PDE8B: variants seen among roughly 807,000 people sequenced by gnomAD.
PDE8B encodes high affinity cAMP-specific and IBMX-insensitive 3',5'-cyclic phosphodiesterase 8B.
A neutral mutation model predicts 101.3 loss-of-function variants in PDE8B; 26 were observed. That is an observed-to-expected ratio of 0.26 (90% confidence interval 0.19 to 0.36). The LOEUF is 0.36. Among genes scored for constraint, PDE8B ranks in the 10% least tolerant of loss-of-function variants. PDE8B has a pLI of 1.00. For synonymous variants in PDE8B, 424 were observed against 429.3 expected (o/e 0.99, Z 0.15); for missense variants, 810 against 1,163.1 (o/e 0.70, Z 4.42).
At chr5:77,132,774 T>C in the PDE8B span, among the ~76,000 whole-genome samples, 2 of 152,204 alleles carry the variant, frequency 1.3e-5, no homozygotes, top group Non-Finnish European at 2.9e-5. Flanking sequence ...TTGCGTCTTT[T>C]TGGTGGTTCT....
intron 1 of PDE8B, among the ~76,000 whole-genome samples, chr5:77,265,185 G>A (rs752448035): frequency 6.6e-6 from 1 of 152,120 alleles, no homozygotes. Context: ...TGGTTGGGGC[G>A]ATGCTATACT....
In PDE8B at chr5:77,418,498, T is replaced by C. The variant is rs368923144; in HGVS notation, c.2129+52T>C. 5 of 1,261,154 alleles carry C rather than the reference T, an allele frequency of 4.0e-6. No individual in the cohort carries two copies. In the East Asian group the frequency reaches 7.2e-5, roughly 18 times the overall value. The allele number at this position is 1,261,154 out of a possible 1,614,324, so 78.1% of individuals were successfully genotyped here. A position where few individuals can be genotyped will look rare whatever the true frequency, so the allele number is the denominator to read the frequency against. On this transcript the variant is annotated intron_variant, in intron 18 of 21. Transcript: ENST00000264917. ...CAAGTTTGTGAAGTTTAAGTGGTTTTCCCAAATACTTAGCTTCCTCTTAGG... is the reference window on the plus strand; with the variant it reads ...CAAGTTTGTGAAGTTTAAGTGGTTTCCCCAAATACTTAGCTTCCTCTTAGG...
intron 1 of PDE8B, among the ~76,000 whole-genome samples, chr5:77,256,924 C>G (rs948258156): frequency 5.3e-5 from 8 of 152,224 alleles, no homozygotes; most frequent in African/African-American, 1.9e-4. Flanking sequence ...TTGCTTAGCT[C>G]TGTTATTCAA....
chr5:77,098,050 G>C, the PDE8B span, among the ~76,000 whole-genome samples: 1 of 151,970 alleles, frequency 6.6e-6, no homozygotes, highest in Non-Finnish European at 1.5e-5. Flanking sequence ...ACAAGGCCTA[G>C]GATGCAGATA....
chr5:77,193,206 A>G, the PDE8B span, among the ~76,000 whole-genome samples: 1 of 152,042 alleles, frequency 6.6e-6, no homozygotes, highest in African/African-American at 2.4e-5. Context: ...TTTCTTTTCT[A>G]GTTCATGCCT....
At chr5:77,296,444 G>A (rs1434059522) in intron 1 of PDE8B, among the ~76,000 whole-genome samples, 2 of 151,870 alleles carry the variant, frequency 1.3e-5, no homozygotes, top group Non-Finnish European at 2.9e-5. Flanking sequence ...TTTACTTTTG[G>A]TAGAAATAGT....
Position 77,211,199 on chromosome 5 carries a change from G to T in PDE8B, c.274G>T (p.Gly92Cys). The part of the protein sequence containing the change: ...SAAPAATTSR[G>C]RRRHCCSSAE... ...AGCCCCCGCCGCGACCACCAGCAGG[G>T]GCCGGAGGCGCCACTGCTGCAGCAG... is the stretch of plus-strand genomic sequence containing the variant. The change falls in exon 1 of 22, where the codon GGC (glycine) becomes TGC (cysteine). Residue 92 changes from glycine (G) to cysteine (C), a missense_variant. Physicochemically the swap from Gly to Cys is radical, Grantham distance 159. Coordinates refer to ENST00000264917, the MANE Select transcript of PDE8B (RefSeq NM_003719.5). This position sits in a 1 kb window ranked among gnomAD's most constrained non-coding sequence, Gnocchi z 4.1. 6.4e-7 allele frequency: 1 copy of T among 1,563,762 alleles called. No homozygotes were observed. The highest frequency in any genetic ancestry group is 8.6e-7 in the Non-Finnish European group (1 of 1,163,076).
chr5:77,162,959 C>G, the PDE8B span, among the ~76,000 whole-genome samples: 3 of 152,248 alleles, frequency 2.0e-5, no homozygotes, highest in Middle Eastern at 3.4e-3. Context: ...TTTGCTTTAA[C>G]CAGACTTAAG....
In PDE8B at chr5:77,210,808, C is replaced by CG. The variant is rs1748101792; in HGVS notation, c.-112dup. 1 of 983,972 alleles carries CG rather than the reference C, an allele frequency of 1.0e-6. No homozygotes were observed. Among genetic ancestry groups the CG allele is most frequent in the Non-Finnish European group, 1.2e-6 (1 of 830,732 alleles). 61.0% of individuals were successfully genotyped at this position (983,972 alleles called of 1,614,324 possible). ...CCGACGGAGCGGCGGACACACAGGC[C>CG]GGGGGGCGCGCAGTCCGGGCGCCGC... On this transcript the variant is annotated 5_prime_UTR_variant, in exon 1 of 22. Transcript: ENST00000264917. The surrounding 1 kb of genome is among the most constrained non-coding windows in gnomAD (Gnocchi z 4.9).
chr5:77,317,946 A>G lies in PDE8B; in HGVS notation c.399+5893A>G, dbSNP rs190491539. Among the ~76,000 whole-genome samples the G allele has an allele frequency of 1.5e-3, 228 of 149,790 alleles. 5 individuals are homozygous for G. In the East Asian group the frequency reaches 0.043, roughly 28 times the overall value. The stretch of plus-strand genomic sequence containing the variant: ...GTGGCGGGCATCTGTAATCCCAGCT[A>G]CTCTGGAGGCTGAGGCAGAGAATTG... On this transcript the variant is annotated intron_variant, in intron 2 of 21. Transcript: ENST00000264917.
intron 12 of PDE8B, among the ~76,000 whole-genome samples, chr5:77,405,128 C>T (rs1468925440): frequency 1.3e-5 from 2 of 152,210 alleles, no homozygotes; most frequent in Non-Finnish European, 2.9e-5. Context: ...GGCAGCCAGT[C>T]CTGGCTTCCC....
chr5:77,256,124 A>C (rs1759118280), intron 1 of PDE8B, among the ~76,000 whole-genome samples: 1 of 152,198 alleles, frequency 6.6e-6, no homozygotes, highest in Non-Finnish European at 1.5e-5. Flanking sequence ...GCTTTTATCA[A>C]ACTTTTTTCC....
intron 5 of PDE8B, among the ~76,000 whole-genome samples, chr5:77,335,057 T>C (rs529222199): frequency 6.6e-6 from 1 of 152,340 alleles, no homozygotes; most frequent in African/African-American, 2.4e-5. Context: ...TTGCAAAAAC[T>C]AATCCATGTT....
the PDE8B span, among the ~76,000 whole-genome samples, chr5:77,192,295 A>G: frequency 1.3e-5 from 2 of 152,166 alleles, no homozygotes; most frequent in Non-Finnish European, 2.9e-5. Context: ...GACCAGTTCT[A>G]TCAGCCTGAG....
At chr5:77,135,874 C>T in the PDE8B span, among the ~76,000 whole-genome samples, 1 of 152,012 alleles carries the variant, frequency 6.6e-6, no homozygotes, top group South Asian at 2.1e-4. Context: ...ACCTCAGCTG[C>T]TCAAAGTGCT....
intron 3 of PDE8B, among the ~76,000 whole-genome samples, chr5:77,327,438 C>T (rs927542827): frequency 3.9e-5 from 6 of 152,198 alleles, no homozygotes; most frequent in Non-Finnish European, 8.8e-5. Flanking sequence ...CCCAGTTATG[C>T]TCATTACATG....
chr5:77,277,630 TTTA>T (rs1391585116), intron 1 of PDE8B, among the ~76,000 whole-genome samples: 1 of 152,216 alleles, frequency 6.6e-6, no homozygotes, highest in African/African-American at 2.4e-5. Flanking sequence ...TGATCTAGTT[TTTA>T]TTATATCTTG....
Position 77,418,336 on chromosome 5 carries a change from G to T in PDE8B, c.2019G>T (p.Glu673Asp), listed in dbSNP as rs147259636. ...CTTTCCTCTGCAATGCAGGCAGTGA[G>T]CTTGCTGTGCTCTACAATGACACTG... The part of the protein sequence containing the change: ...TNSFLCNAGS[E>D]LAVLYNDTAV... The change falls in exon 18 of 22, where the codon GAG (glutamate) becomes GAT (aspartate). Residue 673 changes from glutamate to aspartate, a missense_variant. Around this residue, in one of 4 missense-constraint regions of PDE8B, gnomAD observed 325 missense variants for 560.9 expected, o/e 0.58. Transcript: ENST00000264917. The T allele has an allele frequency of 6.2e-7, 1 of 1,613,808 alleles. No individual in the cohort carries two copies. Among genetic ancestry groups the T allele is most frequent in the Non-Finnish European group, 8.5e-7 (1 of 1,179,816 alleles).
At chr5:77,339,058 A>G (rs1406345969) in intron 6 of PDE8B, among the ~76,000 whole-genome samples, 2 of 152,218 alleles carry the variant, frequency 1.3e-5, no homozygotes, top group Non-Finnish European at 2.9e-5. Context: ...AAATATCCCC[A>G]GCCAACACAA....
Sources: gnomAD v4.1 joint callset for allele counts (sites outside exome capture counted in the v4.1 genomes callset) on GRCh38, gnomAD v4.1.1 for gene constraint, gnomAD v4.1.1 regional missense constraint, Gnocchi (gnomAD v3.1) non-coding constraint, MANE v1.5 for transcripts, NCBI Gene and HGNC (gene_info 2026-07-23, HGNC 2026-07-21) for gene names.